CDH23: variants seen among roughly 807,000 people sequenced by gnomAD.
CDH23 encodes cadherin related 23.
A neutral mutation model predicts 317.1 loss-of-function variants in CDH23; 189 were observed. The observed-to-expected ratio is 0.60, with a 90% confidence interval of 0.53 to 0.67. The LOEUF (loss-of-function observed/expected upper bound fraction) is 0.67, where lower values mean the gene tolerates loss of function less well. Among genes scored for constraint, CDH23 ranks in the 30% least tolerant of loss-of-function variants. CDH23 has a pLI of 0.00. For missense variants in CDH23, 4,401 were observed against 4,592.4 expected, an observed-to-expected ratio of 0.96 and a Z score of 1.20; for synonymous variants, 1,839 against 1,876.8, an observed-to-expected ratio of 0.98 and a Z score of 0.52.
At position 71,617,219 on chromosome 10, in the gene CDH23, C is replaced by T. The variant is rs756644736; in HGVS notation, c.960C>T (p.Asn320=). The T allele has an allele frequency of 2.0e-5, 33 of 1,613,548 alleles. No homozygotes were observed. The highest frequency in any genetic ancestry group is 4.5e-5 in the East Asian group (2 of 44,890). ...FILTVKGTEL[N]DDRTPSDATV... ...TCTGTCCATAGGGCACGGAGCTGAA[C>T]GATGACCGCACCCCATCTGACGCTA... is the stretch of plus-strand genomic sequence containing the variant. The change falls in exon 11 of 70, where the codon AAC becomes AAT. Residue 320 remains asparagine, a synonymous_variant. Coordinates refer to ENST00000224721, the MANE Select transcript of CDH23 (RefSeq NM_022124.6).
At chr10:71,598,758 G>A (rs1409437346) in intron 9 of CDH23, among the ~76,000 whole-genome samples, 1 of 152,256 alleles carries the variant, frequency 6.6e-6, no homozygotes. Context: ...AGGCAAGGAC[G>A]TCTCTCTTTT....
intron 3 of CDH23, among the ~76,000 whole-genome samples, chr10:71,447,720 G>T (rs542104581): frequency 6.6e-6 from 1 of 152,184 alleles, no homozygotes; most frequent in African/African-American, 2.4e-5. Context: ...CCCCTTTCTG[G>T]GGGTAGAGAG....
intron 38 of CDH23, among the ~76,000 whole-genome samples, chr10:71,759,874 C>CACACACACATAT (rs1564779202): frequency 1.4e-5 from 1 of 70,274 alleles, no homozygotes; most frequent in Non-Finnish European, 3.5e-5. Context: ...CATATATATA[C>CACACACACATAT]ACACACACAC....
At chr10:71,528,391 C>T (rs560477405) in intron 6 of CDH23, among the ~76,000 whole-genome samples, 15 of 152,298 alleles carry the variant, frequency 9.8e-5, no homozygotes, top group Admixed American at 8.5e-4. Context: ...AGTGCCCCCT[C>T]GGCCTGGCCA....
intron 38 of CDH23, among the ~76,000 whole-genome samples, chr10:71,768,759 CA>C (rs1840618197): frequency 6.6e-6 from 1 of 151,596 alleles, no homozygotes; most frequent in African/African-American, 2.4e-5. Context: ...GGATTACAGG[CA>C]TGAGCCACTG....
rs1313279983 is a variant in CDH23, at chr10:71,806,015, T to C, written c.8064+18T>C. On this transcript the variant is annotated intron_variant, in intron 56 of 69. Coordinates refer to ENST00000224721, the MANE Select transcript of CDH23 (RefSeq NM_022124.6). ...TGTACAGCGTAAGGGCGGGGCCCGG[T>C]GCGAGGGGCGGGGTCTGGGGCGGGG... is the stretch of plus-strand genomic sequence containing the variant. 9.7e-7 allele frequency: 1 copy of C among 1,031,200 alleles called. No homozygotes were observed. The highest frequency in any genetic ancestry group is 4.5e-5 in the East Asian group (1 of 22,468). 63.9% of individuals were successfully genotyped at this position (1,031,200 alleles called of 1,614,324 possible).
chr10:71,437,232 A>G (rs984914248), intron 1 of CDH23, among the ~76,000 whole-genome samples: 2 of 152,214 alleles, frequency 1.3e-5, no homozygotes, highest in African/African-American at 4.8e-5. Flanking sequence ...AAGTTCACAT[A>G]CACACTCTGG....
In CDH23 at chr10:71,588,201, A is replaced by G. The variant is rs138622309; in HGVS notation, c.832+10209A>G. Among the ~76,000 whole-genome samples, 139 of 152,274 alleles carry G rather than the reference A, an allele frequency of 9.1e-4. 1 individual carries two copies. The highest frequency in any genetic ancestry group is 1.4e-3 in the African/African-American group (59 of 41,536). The stretch of plus-strand genomic sequence containing the variant: ...CATGGCTTCCCTGGGGAACAAAAAC[A>G]TTGACATCTGCACCTACGTTTCTAT... On this transcript the variant is annotated intron_variant, in intron 9 of 69. Transcript: ENST00000224721.
chr10:71,666,711 GA>G (rs35151763), intron 14 of CDH23, among the ~76,000 whole-genome samples: 1 of 152,114 alleles, frequency 6.6e-6, no homozygotes, highest in African/African-American at 2.4e-5. Flanking sequence ...GGGAGGGAAG[GA>G]AAAAGGGCCT....
chr10:71,580,765 G>A (rs968498815), intron 9 of CDH23, among the ~76,000 whole-genome samples: 4 of 152,142 alleles, frequency 2.6e-5, no homozygotes, highest in Non-Finnish European at 4.4e-5. Context: ...GTTGGGTAAT[G>A]AGCCCCTTGA....
chr10:71,489,267 C>T (rs1327257018), intron 3 of CDH23, among the ~76,000 whole-genome samples: 6 of 152,058 alleles, frequency 3.9e-5, no homozygotes, highest in African/African-American at 7.2e-5. Context: ...TTGTATTTTC[C>T]ATCTCTAACC....
intron 6 of CDH23, among the ~76,000 whole-genome samples, chr10:71,555,724 G>A (rs370933847): frequency 1.2e-4 from 19 of 152,346 alleles, no homozygotes; most frequent in African/African-American, 4.6e-4. Context: ...TTGCCTTGGA[G>A]CTCCTTAGTC....
At chr10:71,679,936 C>T (rs990509641) in intron 17 of CDH23, among the ~76,000 whole-genome samples, 2 of 152,186 alleles carry the variant, frequency 1.3e-5, no homozygotes, top group African/African-American at 2.4e-5. Context: ...TAGGAAATAG[C>T]AGCAACCTCA....
intron 6 of CDH23, among the ~76,000 whole-genome samples, chr10:71,530,635 G>A (rs1855319480): frequency 1.3e-5 from 2 of 152,252 alleles, no homozygotes; most frequent in Non-Finnish European, 2.9e-5. Flanking sequence ...CTACAATTCC[G>A]ACAGCCTCTC....
At chr10:71,634,449 C>T (rs1436208620) in intron 11 of CDH23, among the ~76,000 whole-genome samples, 1 of 152,234 alleles carries the variant, frequency 6.6e-6, no homozygotes, top group Non-Finnish European at 1.5e-5. Flanking sequence ...GGATTGAGGC[C>T]AGGTAGAGTG....
At chr10:71,779,625 C>T (rs566907285) in intron 41 of CDH23, among the ~76,000 whole-genome samples, 178 bp downstream of exon 41, 1 of 152,342 alleles carries the variant, frequency 6.6e-6, no homozygotes, top group African/African-American at 2.4e-5. Flanking sequence ...CCTCTTATTC[C>T]CAGAGATGTG....
chr10:71,690,635 T>G, intron 20 of CDH23, 51 bp downstream of exon 20: 1 of 1,337,492 alleles, frequency 7.5e-7, no homozygotes, highest in South Asian at 1.3e-5. Context: ...TGAGGCTGAC[T>G]GTCCATACCC....
At chr10:71,450,010 C>T (rs192238481) in intron 3 of CDH23, among the ~76,000 whole-genome samples, 2 of 152,336 alleles carry the variant, frequency 1.3e-5, no homozygotes, top group Admixed American at 1.3e-4. Flanking sequence ...CTGTTCACAT[C>T]GCCCTGCTTC....
intron 62 of CDH23, among the ~76,000 whole-genome samples, chr10:71,811,061 A>G (rs1841901884): frequency 6.9e-6 from 1 of 145,404 alleles, no homozygotes; most frequent in African/African-American, 2.6e-5. Context: ...CAGCCTGGGC[A>G]ACAGAGCAAG....
Sources: gnomAD v4.1 joint callset for allele counts (sites outside exome capture counted in the v4.1 genomes callset) on GRCh38, gnomAD v4.1.1 for gene constraint, MANE v1.5 for transcripts, NCBI Gene and HGNC (gene_info 2026-07-23, HGNC 2026-07-21) for gene names.